Variants in FAM240B observed in about 807,000 individuals in gnomAD.
FAM240B encodes the protein family with sequence similarity 240 member B, also known as protein FAM240B.
chr9:38,695,930 C>A (rs1821063769), intron 2 of FAM240B, among the ~76,000 whole-genome samples: 1 of 152,206 alleles, frequency 6.6e-6, no homozygotes, highest in Admixed American at 6.5e-5. Flanking sequence ...GTTAAGGCTA[C>A]TCAATGGAGG....
At chr9:38,718,448 T>G (rs1263811566) in intron 1 of FAM240B, among the ~76,000 whole-genome samples, 2 of 152,220 alleles carry the variant, frequency 1.3e-5, no homozygotes, top group African/African-American at 4.8e-5. Flanking sequence ...GGGCTGTCAA[T>G]GTATTCACCT....
intron 1 of FAM240B, among the ~76,000 whole-genome samples, chr9:38,706,214 C>T (rs548704252): frequency 2.0e-5 from 3 of 148,476 alleles, no homozygotes; most frequent in African/African-American, 4.9e-5. Context: ...ATAGCTAAAT[C>T]GAGCTAATTC....
intron 1 of FAM240B, among the ~76,000 whole-genome samples, chr9:38,715,242 G>GT (rs1429413035): frequency 1.3e-5 from 2 of 152,166 alleles, no homozygotes; most frequent in Admixed American, 6.6e-5. Context: ...AGGACTAGGA[G>GT]TTAGGAGACC....
chr9:38,695,883 A>G (rs1423113662), intron 2 of FAM240B, among the ~76,000 whole-genome samples: 1 of 152,278 alleles, frequency 6.6e-6, no homozygotes, highest in Admixed American at 6.5e-5. Context: ...CCAGAAATAA[A>G]TACGCAGTAA....
intron 1 of FAM240B, among the ~76,000 whole-genome samples, chr9:38,713,014 T>A (rs1821271939): frequency 6.6e-6 from 1 of 152,144 alleles, no homozygotes; most frequent in Non-Finnish European, 1.5e-5. Flanking sequence ...TCTGCAAGGG[T>A]CTCGCTTGGA....
intron 1 of FAM240B, among the ~76,000 whole-genome samples, chr9:38,704,705 A>G (rs1245655791): frequency 1.3e-5 from 2 of 152,204 alleles, no homozygotes; most frequent in South Asian, 2.1e-4. Context: ...CCTTCCTCAC[A>G]GAATAGCAAG....
intron 2 of FAM240B, among the ~76,000 whole-genome samples, chr9:38,702,256 C>T (rs1384948618): frequency 1.3e-5 from 2 of 152,156 alleles, no homozygotes; most frequent in Admixed American, 1.3e-4. Context: ...GTCCATTAGG[C>T]CACCAGGAGT....
chr9:38,706,400 G>T (rs994090019), intron 1 of FAM240B, among the ~76,000 whole-genome samples: 10 of 152,130 alleles, frequency 6.6e-5, no homozygotes, highest in African/African-American at 2.2e-4. Flanking sequence ...CCCACTTCAG[G>T]TGCTCAGTGA....
chr9:38,699,879 T>C (rs10511950), intron 2 of FAM240B, among the ~76,000 whole-genome samples: 11,418 of 152,324 alleles, frequency 0.075, 478 homozygotes, highest in East Asian at 0.16. Flanking sequence ...AGTACTCCAA[T>C]CTTGATCTCT....
intron 2 of FAM240B, among the ~76,000 whole-genome samples, chr9:38,700,729 T>C (rs1821116435): frequency 6.6e-6 from 1 of 152,222 alleles, no homozygotes; most frequent in Non-Finnish European, 1.5e-5. Flanking sequence ...GACTAACCCA[T>C]CCATGTTCTG....
chr9:38,703,853 A>G lies in FAM240B; in HGVS notation c.143+4T>C. ...AAGTAATAACAGAGAAACAATTCAC[A>G]TACTTTTTCAGGGCGCTTCTTTCTT... On this transcript the variant is annotated splice_donor_region_variant and intron_variant, in intron 2 of 2. Coordinates refer to ENST00000637493, the MANE Select transcript of FAM240B (RefSeq NM_001394922.1). 2.5e-6 allele frequency: 1 copy of G among 400,454 alleles called. No homozygotes were observed. Among genetic ancestry groups the G allele is most frequent in the Non-Finnish European group, 4.4e-6 (1 of 226,118 alleles). 24.8% of individuals were successfully genotyped at this position (400,454 alleles called of 1,614,324 possible). A position where few individuals can be genotyped will look rare whatever the true frequency, so the allele number is the denominator to read the frequency against.
intron 2 of FAM240B, among the ~76,000 whole-genome samples, chr9:38,702,887 G>A (rs1438687595): frequency 2.0e-5 from 3 of 152,154 alleles, no homozygotes; most frequent in Non-Finnish European, 2.9e-5. Flanking sequence ...CGAACAGATT[G>A]TTTTAGTTTA....
chr9:38,715,314 T>C (rs1186390522), intron 1 of FAM240B, among the ~76,000 whole-genome samples: 1 of 152,210 alleles, frequency 6.6e-6, no homozygotes, highest in African/African-American at 2.4e-5. Context: ...ATCTGTAAAA[T>C]GGAACAACAT....
chr9:38,714,194 G>A (rs1309995417), intron 1 of FAM240B, among the ~76,000 whole-genome samples: 1 of 152,136 alleles, frequency 6.6e-6, no homozygotes, highest in African/African-American at 2.4e-5. Flanking sequence ...TAAACAAATG[G>A]AGGAGAAAAA....
intron 1 of FAM240B, among the ~76,000 whole-genome samples, chr9:38,710,162 G>T (rs189336313): frequency 1.3e-5 from 2 of 152,234 alleles, no homozygotes; most frequent in East Asian, 3.9e-4. Flanking sequence ...TAGAGACAGG[G>T]TTTCACCACT....
At chr9:38,719,604 T>G (rs1015139474) in intron 1 of FAM240B, among the ~76,000 whole-genome samples, 3 of 152,160 alleles carry the variant, frequency 2.0e-5, no homozygotes, top group Non-Finnish European at 4.4e-5. Context: ...AAATTCATGA[T>G]TAATCACCCC....
At chr9:38,695,978 T>C (rs1208676791) in intron 2 of FAM240B, among the ~76,000 whole-genome samples, 1 of 152,322 alleles carries the variant, frequency 6.6e-6, no homozygotes, top group East Asian at 1.9e-4. Context: ...TGGAACATTA[T>C]GTATCTATAT....
intron 1 of FAM240B, 76 bp from the exon 2 acceptor site, chr9:38,704,078 C>T (rs1821161397): frequency 2.6e-6 from 1 of 386,718 alleles, no homozygotes; most frequent in Non-Finnish European, 4.5e-6. Context: ...GAAAGATGAG[C>T]TTGCATGTAG....
At chr9:38,700,223 T>C (rs1335583141) in intron 2 of FAM240B, among the ~76,000 whole-genome samples, 1 of 152,264 alleles carries the variant, frequency 6.6e-6, no homozygotes, top group African/African-American at 2.4e-5. Context: ...ATAAAAAGTT[T>C]GAAATAGCGA....
Sources: allele counts gnomAD v4.1 joint callset (sites outside exome capture counted in the v4.1 genomes callset), GRCh38; gene constraint gnomAD v4.1.1; transcripts MANE v1.5; gene names NCBI Gene and HGNC (gene_info 2026-07-23, HGNC 2026-07-21).